SFTPC: variants seen among roughly 807,000 people sequenced by gnomAD.
The protein encoded by SFTPC is surfactant protein C, also known as BRICHOS domain containing 6.
A neutral mutation model predicts 19.9 loss-of-function variants in SFTPC; 12 were observed. That is an observed-to-expected ratio of 0.60 (90% CI 0.39 to 0.98). The LOEUF is 0.98. Among genes scored for constraint, SFTPC ranks in the 50% least tolerant of loss-of-function variants. SFTPC has a pLI of 0.00. For synonymous variants in SFTPC, 123 were observed against 103.3 expected (o/e 1.19, Z -1.16); for missense variants, 219 against 252.2 (o/e 0.87, Z 0.89).
chr8:22,164,209 G>A, intron 5 of SFTPC, 57 bp from the exon 6 acceptor site: 2 of 1,524,298 alleles, frequency 1.3e-6, no homozygotes, highest in Non-Finnish European at 1.8e-6. Context: ...TCACAGACCG[G>A]TACTTCCCAC....
At chr8:22,163,252 T>C (rs758961469) in intron 3 of SFTPC, 50 bp downstream of exon 3, 1 of 1,612,200 alleles carries the variant, frequency 6.2e-7, no homozygotes, top group African/African-American at 1.3e-5. Context: ...AAGGCTCTGC[T>C]AGAGCCACCC....
At chr8:22,160,731 A>T (rs1827683009), upstream of SFTPC, among the ~76,000 whole-genome samples, 1 of 152,186 alleles carries the variant, frequency 6.6e-6, no homozygotes, top group East Asian at 1.9e-4. Flanking sequence ...CACCTGGCCC[A>T]AGGAGTGAAA....
chr8:22,161,294 C>T (rs1233781779), upstream of SFTPC, among the ~76,000 whole-genome samples: 1 of 152,124 alleles, frequency 6.6e-6, no homozygotes, highest in African/African-American at 2.4e-5. Context: ...ATTTATGAAA[C>T]CCCGAAAACT....
chr8:22,164,228 TTC>T (rs779309006), intron 5 of SFTPC, 36 bp from the exon 6 acceptor site: 2 of 1,503,260 alleles, frequency 1.3e-6, no homozygotes, highest in Admixed American at 2.0e-5. Flanking sequence ...ACTCCCCTGA[TTC>T]TCTCTGTCCA....
In SFTPC at chr8:22,163,423, A is replaced by C. The variant is rs966635808; in HGVS notation, c.325-13A>C. ...CAGGGACCCCCGAATGATCTCCAGC[A>C]TTCTGTGCCTAGCTGCTGATCGCCT... is the stretch of plus-strand genomic sequence containing the variant. On this transcript the variant is annotated splice_polypyrimidine_tract_variant and intron_variant, in intron 3 of 5. Coordinates refer to ENST00000679463, the MANE Select transcript of SFTPC (RefSeq NM_001317778.2). 1.9e-5 allele frequency: 30 copies of C among 1,609,554 alleles called. No individual in the cohort carries two copies. Among genetic ancestry groups the C allele is most frequent in the Non-Finnish European group, 2.6e-5 (30 of 1,176,340 alleles).
chr8:22,164,412 A>C lies in SFTPC; in HGVS notation c.*165A>C, dbSNP rs1827951762. ...GCTTGGGGAGAGGATGGGAGTGGGC[A>C]GAGGTGGCGCCCAGGGGCCCGGGAA... is the stretch of plus-strand genomic sequence containing the variant. On this transcript the variant is annotated 3_prime_UTR_variant, in exon 6 of 6. Transcript: ENST00000679463. 3 of 1,512,684 alleles carry C rather than the reference A, an allele frequency of 2.0e-6. No homozygotes were observed. Among genetic ancestry groups the C allele is most frequent in the Non-Finnish European group, 2.6e-6 (3 of 1,137,210 alleles). The allele number at this position is 1,512,684 out of a possible 1,614,324, so 93.7% of individuals were successfully genotyped here.
chr8:22,159,853 C>T (rs548450924), upstream of SFTPC: 1 of 1,289,016 alleles, frequency 7.8e-7, no homozygotes, highest in African/African-American at 1.5e-5. Context: ...AGGCCCAGTA[C>T]TCGTGAGTCA....
chr8:22,159,734 C>A, upstream of SFTPC: 1 of 1,276,160 alleles, frequency 7.8e-7, no homozygotes, highest in Non-Finnish European at 1.0e-6. Flanking sequence ...ACAGTGCCTG[C>A]TAAGAACAAG....
upstream of SFTPC, chr8:22,159,819 G>T: frequency 7.8e-7 from 1 of 1,289,268 alleles, no homozygotes; most frequent in Non-Finnish European, 1.0e-6. Flanking sequence ...TGGCTCTCCC[G>T]CTGGCCAGCT....
At position 22,163,776 on chromosome 8, in the gene SFTPC, C is replaced by T. The variant is rs2070686; in HGVS notation, c.436-125C>T. On this transcript the variant is annotated intron_variant, in intron 4 of 5. Transcript: ENST00000679463. ...TGGTGGCTTCTGACTCTAGCACAGC[C>T]CCTCTTTACTGATGAGAAAACTGAG... The T allele has an allele frequency of 0.2, 190,765 of 965,044 alleles. 20,306 individuals carry two copies. The highest frequency in any genetic ancestry group is 0.33 in the East Asian group (12,847 of 38,830). The allele number at this position is 965,044 out of a possible 1,614,324, so 59.8% of individuals were successfully genotyped here.
upstream of SFTPC, chr8:22,159,553 T>G: frequency 2.7e-6 from 1 of 365,304 alleles, no homozygotes; most frequent in East Asian, 7.8e-5. Flanking sequence ...CAAGCAAAAA[T>G]GGGTTTAAAA....
intron 1 of SFTPC, 61 bp downstream of exon 1, chr8:22,161,931 G>GC (rs1827745694): frequency 6.7e-7 from 1 of 1,500,000 alleles, no homozygotes; most frequent in Non-Finnish European, 9.3e-7. Flanking sequence ...GATGGGCCCT[G>GC]CCTCCTCTAT....
chr8:22,157,910 T>G (rs1827560899), upstream of SFTPC, among the ~76,000 whole-genome samples: 1 of 151,138 alleles, frequency 6.6e-6, no homozygotes, highest in South Asian at 2.1e-4. Context: ...TAAATAAAAA[T>G]GTAATTTCTC....
chr8:22,161,135 A>G (rs1359773767), upstream of SFTPC, among the ~76,000 whole-genome samples: 3 of 152,226 alleles, frequency 2.0e-5, no homozygotes, highest in Non-Finnish European at 4.4e-5. Context: ...GCACATGAGT[A>G]AGAGCTTGCC....
intron 1 of SFTPC, 102 bp from the exon 2 acceptor site, chr8:22,162,472 C>A: frequency 7.4e-7 from 1 of 1,351,108 alleles, no homozygotes; most frequent in Non-Finnish European, 1.1e-6. Flanking sequence ...CATCGGCTGT[C>A]CAGCCCTAGG....
upstream of SFTPC, among the ~76,000 whole-genome samples, chr8:22,161,371 C>T (rs898531712): frequency 2.0e-5 from 3 of 152,180 alleles, no homozygotes; most frequent in African/African-American, 7.2e-5. Context: ...CTCCAGAACC[C>T]TCTTCCTGGA....
upstream of SFTPC, chr8:22,161,737 C>T: frequency 6.2e-7 from 1 of 1,612,562 alleles, no homozygotes; most frequent in Non-Finnish European, 8.5e-7. Context: ...GGGGCTTGGT[C>T]CTTCACCTCT....
Position 22,162,693 on chromosome 8 carries a change from G to A in SFTPC, c.162G>A (p.Leu54=), listed in dbSNP as rs1338649685. Residue 54 remains leucine (L), a synonymous_variant, in exon 2 of 6, where the codon CTG becomes CTA. Transcript: ENST00000679463. The part of the protein sequence containing the change: ...VLIVVVIVGA[L]LMGLHMSQKH... ...TCGTCGTGGTGATTGTGGGAGCCCTGCTCATGGGTCTCCACATGAGCCAGA... is the reference window on the plus strand; with the variant it reads ...TCGTCGTGGTGATTGTGGGAGCCCTACTCATGGGTCTCCACATGAGCCAGA... 6.2e-7 allele frequency: 1 copy of A among 1,614,112 alleles called. No homozygotes were observed. Among genetic ancestry groups the A allele is most frequent in the African/African-American group, 1.3e-5 (1 of 74,940 alleles).
At chr8:22,163,712 C>T in intron 4 of SFTPC, 166 bp downstream of exon 4, 5 of 800,146 alleles carry the variant, frequency 6.2e-6, no homozygotes, top group Non-Finnish European at 1.1e-5. Context: ...TCCCACCCCA[C>T]TGCCAAGCTG....
Sources: allele counts gnomAD v4.1 joint callset (sites outside exome capture counted in the v4.1 genomes callset), GRCh38; gene constraint gnomAD v4.1.1; transcripts MANE v1.5; gene names NCBI Gene and HGNC (gene_info 2026-07-23, HGNC 2026-07-21).